Variants in RBFOX1 observed in about 807,000 individuals in gnomAD.
The protein encoded by RBFOX1 is RNA binding fox-1 homolog 1.
A neutral mutation model predicts 57.7 loss-of-function variants in RBFOX1; 8 were observed. The ratio of observed to expected loss-of-function variants is 0.14; its 90% CI spans 0.08 to 0.25. The LOEUF is 0.25. RBFOX1 is among the 10% of genes least tolerant of loss of function. The pLI is 1.00. For synonymous variants in RBFOX1, 326 were observed against 222.4 expected (o/e 1.47, Z -4.15); for missense variants, 611 against 548.5 (o/e 1.11, Z -1.14).
At chr16:6,721,317 C>T (rs942485608) in intron 3 of RBFOX1, among the ~76,000 whole-genome samples, 2 of 152,052 alleles carry the variant, frequency 1.3e-5, no homozygotes, top group Admixed American at 6.5e-5. Context: ...GTGGCGGGTG[C>T]CTGTAATCCC....
chr16:6,470,090 C>G (rs754021082), intron 2 of RBFOX1, among the ~76,000 whole-genome samples: 1 of 152,186 alleles, frequency 6.6e-6, no homozygotes, highest in Admixed American at 6.5e-5. Flanking sequence ...AACCAGAATG[C>G]TTTGCCACTG....
intron 1 of RBFOX1, among the ~76,000 whole-genome samples, chr16:5,438,088 C>G (rs1398504853): frequency 6.6e-6 from 1 of 152,182 alleles, no homozygotes; most frequent in African/African-American, 2.4e-5. Flanking sequence ...TCATCTATAA[C>G]ATTGGCACAT....
intron 4 of RBFOX1, among the ~76,000 whole-genome samples, chr16:7,159,775 A>G (rs1274406620): frequency 6.6e-6 from 1 of 152,152 alleles, no homozygotes; most frequent in Non-Finnish European, 1.5e-5. Flanking sequence ...CCATCAAATA[A>G]CTGGGCTCCT....
At chr16:5,728,577 C>G (rs561226434) in intron 3 of RBFOX1, among the ~76,000 whole-genome samples, 2 of 152,170 alleles carry the variant, frequency 1.3e-5, no homozygotes, top group Non-Finnish European at 2.9e-5. Context: ...GGCGGGAACA[C>G]CATTCTCTGA....
chr16:6,000,882 T>G, intron 4 of RBFOX1, among the ~76,000 whole-genome samples: 1 of 98,794 alleles, frequency 1.0e-5, no homozygotes, highest in African/African-American at 4.2e-5. Flanking sequence ...AATGGGTGGG[T>G]GGATAGGTAG....
At chr16:7,703,614 C>A (rs912449233) in intron 14 of RBFOX1, among the ~76,000 whole-genome samples, 2 of 152,156 alleles carry the variant, frequency 1.3e-5, no homozygotes, top group Non-Finnish European at 2.9e-5. Flanking sequence ...TGTGGAGTAC[C>A]AACATGGGCC....
In RBFOX1 at chr16:6,266,586, C is replaced by T. The variant is rs570482275; in HGVS notation, c.-126-50409C>T. On this transcript the variant is annotated intron_variant, in intron 1 of 15. Transcript: ENST00000550418. ...AAAATCAGTCAGTCATGGTGGCACGCGCCTGTAATCCCAGCTACTCAGGGG... is the reference window on the plus strand; with the variant it reads ...AAAATCAGTCAGTCATGGTGGCACGTGCCTGTAATCCCAGCTACTCAGGGG... Among the ~76,000 whole-genome samples the T allele has an allele frequency of 1.9e-4, 29 of 152,012 alleles. 1 individual carries two copies. The highest frequency in any genetic ancestry group is 9.8e-4 in the East Asian group (5 of 5,118).
intron 4 of RBFOX1, among the ~76,000 whole-genome samples, chr16:7,489,572 G>C (rs1442626887): frequency 6.6e-6 from 1 of 152,028 alleles, no homozygotes; most frequent in Non-Finnish European, 1.5e-5. Flanking sequence ...CTGGAATGCG[G>C]TGGTACCATC....
intron 1 of RBFOX1, among the ~76,000 whole-genome samples, chr16:5,411,957 A>G (rs560301): frequency 0.33 from 49,661 of 152,024 alleles, 8,403 homozygotes; most frequent in Middle Eastern, 0.43. Flanking sequence ...TGTTAAACTC[A>G]ACAGATCTCA....
intron 3 of RBFOX1, among the ~76,000 whole-genome samples, chr16:6,848,776 C>A (rs988081086): frequency 1.3e-5 from 2 of 152,104 alleles, no homozygotes; most frequent in Non-Finnish European, 2.9e-5. Context: ...AGAAACTCAG[C>A]AGGCAGCATT....
intron 2 of RBFOX1, among the ~76,000 whole-genome samples, chr16:6,382,026 C>G (rs904656225): frequency 6.6e-5 from 10 of 152,316 alleles, no homozygotes; most frequent in Non-Finnish European, 1.3e-4. Flanking sequence ...TGTGCCATCT[C>G]TGTTGCTATT....
At chr16:6,635,460 G>A (rs923598027) in intron 2 of RBFOX1, among the ~76,000 whole-genome samples, 3 of 152,114 alleles carry the variant, frequency 2.0e-5, no homozygotes, top group African/African-American at 4.8e-5. Flanking sequence ...GGGAGGTAGA[G>A]GAGGAAGTGA....
chr16:5,627,975 G>C (rs560739179), intron 3 of RBFOX1, among the ~76,000 whole-genome samples: 3 of 152,310 alleles, frequency 2.0e-5, no homozygotes, highest in Admixed American at 6.5e-5. Flanking sequence ...GCAGCATTTA[G>C]AGGCATTCTT....
In RBFOX1 at chr16:7,634,331, G is replaced by A. The variant is rs191250406; in HGVS notation, c.757+3648G>A. ...ACTTGCAAGATAACTCTGGAGCTTC[G>A]TTTTTGTTTTTTTGCGTTTTTTTCC... On this transcript the variant is annotated intron_variant, in intron 11 of 15. Transcript: ENST00000550418. Among the ~76,000 whole-genome samples, 73 of 150,536 alleles carry A rather than the reference G, an allele frequency of 4.8e-4. No homozygotes were observed. In the East Asian group the frequency reaches 6.6e-3, roughly 14 times the overall value.
intron 1 of RBFOX1, among the ~76,000 whole-genome samples, chr16:5,333,203 A>AAAG (rs2064806072): frequency 6.6e-6 from 1 of 152,108 alleles, no homozygotes; most frequent in East Asian, 1.9e-4. Context: ...ACAAACAAAA[A>AAAG]ACCAAACTAC....
intron 4 of RBFOX1, among the ~76,000 whole-genome samples, chr16:5,986,498 C>G (rs2060289083): frequency 6.6e-6 from 1 of 152,192 alleles, no homozygotes; most frequent in Admixed American, 6.5e-5. Flanking sequence ...TCGAATCATT[C>G]CATTACTGTA....
intron 1 of RBFOX1, among the ~76,000 whole-genome samples, chr16:5,248,479 GGGGCAGGTCA>G (rs2062359956): frequency 6.6e-6 from 1 of 152,170 alleles, no homozygotes; most frequent in African/African-American, 2.4e-5. Context: ...CAGCTGGAAG[GGGGCAGGTCA>G]CCCACAGCCT....
intron 3 of RBFOX1, among the ~76,000 whole-genome samples, chr16:6,939,188 G>T (rs1031798653): frequency 6.4e-4 from 98 of 152,202 alleles, no homozygotes; most frequent in African/African-American, 2.2e-3. Flanking sequence ...CCAATGAAGA[G>T]AAAAATAATT....
chr16:7,140,157 C>CCTCCCT (rs2073300584), intron 4 of RBFOX1, among the ~76,000 whole-genome samples: 1 of 70,868 alleles, frequency 1.4e-5, no homozygotes, highest in African/African-American at 5.9e-5. Flanking sequence ...TCCTTCTCTC[C>CCTCCCT]CTCTCTCTCT....
Sources: gnomAD v4.1 joint callset for allele counts (sites outside exome capture counted in the v4.1 genomes callset) on GRCh38, gnomAD v4.1.1 for gene constraint, MANE v1.5 for transcripts, NCBI Gene and HGNC (gene_info 2026-07-23, HGNC 2026-07-21) for gene names.